MAP2: variants seen among roughly 807,000 people sequenced by gnomAD.
MAP2 encodes microtubule-associated protein 2.
Under a neutral mutation model 137.6 loss-of-function variants are expected in MAP2, and 14 were observed. The observed-to-expected ratio is 0.10, with a 90% confidence interval of 0.07 to 0.16. The LOEUF (loss-of-function observed/expected upper bound fraction) is 0.16. MAP2 is among the 10% of genes least tolerant of loss of function. The probability of loss-of-function intolerance (pLI) is 1.00; values close to 1 mark genes in which losing one functional copy is unlikely to be tolerated. For synonymous variants in MAP2, 786 were observed against 782.3 expected, an observed-to-expected ratio of 1.00 and a Z score of -0.08; for missense variants, 2,088 against 2,191.5, an observed-to-expected ratio of 0.95 and a Z score of 0.94.
At chr2:209,531,611 A>G (rs1367426553) in intron 2 of MAP2, among the ~76,000 whole-genome samples, 1 of 152,212 alleles carries the variant, frequency 6.6e-6, no homozygotes, top group Non-Finnish European at 1.5e-5. Context: ...TTTGGCTAAT[A>G]TGACTTATTT....
intron 2 of MAP2, among the ~76,000 whole-genome samples, chr2:209,570,341 A>G (rs892261799): frequency 2.6e-5 from 4 of 151,850 alleles, no homozygotes; most frequent in African/African-American, 7.2e-5. Flanking sequence ...TTAGCTGAGA[A>G]GTCCAGGGAT....
At chr2:209,531,529 C>T (rs578221142) in intron 2 of MAP2, among the ~76,000 whole-genome samples, 3 of 152,310 alleles carry the variant, frequency 2.0e-5, no homozygotes, top group African/African-American at 7.2e-5. Flanking sequence ...CAAATTTATG[C>T]ATGTCAACTT....
intron 1 of MAP2, among the ~76,000 whole-genome samples, chr2:209,435,835 G>A (rs1229486694): frequency 6.7e-6 from 1 of 149,628 alleles, no homozygotes; most frequent in Non-Finnish European, 1.5e-5. Flanking sequence ...TGGTGGAGAT[G>A]GGTGAGAGTT....
intron 7 of MAP2, among the ~76,000 whole-genome samples, chr2:209,691,268 C>G (rs1299457995): frequency 6.6e-6 from 1 of 151,994 alleles, no homozygotes; most frequent in Non-Finnish European, 1.5e-5. Flanking sequence ...CACATAGAGG[C>G]TTAAATGGTG....
intron 1 of MAP2, among the ~76,000 whole-genome samples, chr2:209,492,525 C>T (rs1308368382): frequency 6.6e-6 from 1 of 151,970 alleles, no homozygotes; most frequent in Non-Finnish European, 1.5e-5. Context: ...TGACATAATT[C>T]TATATTTAGA....
intron 1 of MAP2, among the ~76,000 whole-genome samples, chr2:209,506,096 T>C (rs928182685): frequency 5.3e-5 from 8 of 152,150 alleles, no homozygotes; most frequent in Non-Finnish European, 1.2e-4. Flanking sequence ...AATATTTGTA[T>C]CCAAGTAAAA....
chr2:209,607,714 C>T (rs1403650250), intron 3 of MAP2, among the ~76,000 whole-genome samples: 1 of 152,212 alleles, frequency 6.6e-6, no homozygotes, highest in African/African-American at 2.4e-5. Flanking sequence ...GGATTACAGG[C>T]ATGAGCGACT....
At chr2:209,589,245 C>T (rs766639677) in intron 3 of MAP2, among the ~76,000 whole-genome samples, 4 of 152,054 alleles carry the variant, frequency 2.6e-5, no homozygotes, top group Non-Finnish European at 4.4e-5. Flanking sequence ...AAGCTCACAA[C>T]GGTCTTTGGA....
chr2:209,577,355 G>A (rs990125667), intron 2 of MAP2, among the ~76,000 whole-genome samples: 3 of 152,076 alleles, frequency 2.0e-5, no homozygotes, highest in African/African-American at 7.2e-5. Context: ...ACTGGGGAGA[G>A]AGGATGATGA....
chr2:209,669,278 A>G (rs1195878081), intron 5 of MAP2, among the ~76,000 whole-genome samples: 2 of 152,068 alleles, frequency 1.3e-5, no homozygotes, highest in South Asian at 2.1e-4. Flanking sequence ...TGGTTTTTCC[A>G]TGTGAACATT....
intron 2 of MAP2, among the ~76,000 whole-genome samples, chr2:209,559,485 A>C (rs1327053681): frequency 2.7e-5 from 4 of 147,498 alleles, no homozygotes; most frequent in African/African-American, 9.9e-5. Flanking sequence ...AATACAAAAA[A>C]AAAAAAAAAA....
At chr2:209,680,220 A>T (rs1264294560) in intron 6 of MAP2, among the ~76,000 whole-genome samples, 1 of 152,204 alleles carries the variant, frequency 6.6e-6, no homozygotes, top group Admixed American at 6.6e-5. Flanking sequence ...TACATACAGA[A>T]GATGGGTTTT....
chr2:209,604,936 G>A (rs576882686), intron 3 of MAP2, among the ~76,000 whole-genome samples: 2 of 152,056 alleles, frequency 1.3e-5, no homozygotes, highest in African/African-American at 4.8e-5. Context: ...AGAGGCTGTT[G>A]AACAAAGCCT....
In MAP2 at chr2:209,696,548, A is replaced by T; in HGVS notation, c.4187A>T (p.Asp1396Val). ...GATTTGCTTTGATCCACAGATGATG[A>T]TAGGAGCATCATGACAGAACAGTTA... ...DSLWVDTQDDDRSIMTEQLET... is the reference protein window; with the variant it reads ...DSLWVDTQDDVRSIMTEQLET... Residue 1396 changes from aspartate (D) to valine (V), a missense_variant, in exon 9 of 16, where the codon GAT becomes GTT. Physicochemically the swap from Asp to Val is radical, Grantham distance 152 (BLOSUM62 -3). Transcript: ENST00000682079. The T allele has an allele frequency of 6.2e-7, 1 of 1,609,830 alleles. No homozygotes were observed. Among genetic ancestry groups the T allele is most frequent in the Non-Finnish European group, 8.5e-7 (1 of 1,178,058 alleles).
In MAP2 at chr2:209,504,619, G is replaced by C. The variant is rs1032932631; in HGVS notation, c.-221-2973G>C. On this transcript the variant is annotated intron_variant, in intron 1 of 15. Coordinates refer to ENST00000682079, the MANE Select transcript of MAP2 (RefSeq NM_001375505.1). The stretch of plus-strand genomic sequence containing the variant: ...GGTTTTTGTATGAGACACCATGCAA[G>C]ATCCTAGGATAACAGCATCACTTAT... Among the ~76,000 whole-genome samples, 144 of 152,250 alleles carry C rather than the reference G, an allele frequency of 9.5e-4. 3 individuals carry two copies. The highest frequency in any genetic ancestry group is 1.4e-3 in the Non-Finnish European group (93 of 68,002).
chr2:209,590,702 A>T (rs1324004938), intron 3 of MAP2, among the ~76,000 whole-genome samples: 4 of 152,182 alleles, frequency 2.6e-5, no homozygotes, highest in African/African-American at 9.7e-5. Context: ...CAAGCGCTTG[A>T]TAGCCACATT....
intron 3 of MAP2, among the ~76,000 whole-genome samples, chr2:209,597,988 G>C (rs2081780061): frequency 6.6e-6 from 1 of 151,866 alleles, no homozygotes; most frequent in Admixed American, 6.6e-5. Context: ...ATGAGTGTCT[G>C]TCCTATTCTT....
intron 3 of MAP2, among the ~76,000 whole-genome samples, chr2:209,613,516 G>A (rs775462248): frequency 3.3e-5 from 5 of 152,130 alleles, no homozygotes; most frequent in Non-Finnish European, 5.9e-5. Flanking sequence ...ACTAGTTGCC[G>A]TGGGGAGCAC....
chr2:209,660,432 C>T (rs2042914492), intron 5 of MAP2, among the ~76,000 whole-genome samples: 1 of 126,746 alleles, frequency 7.9e-6, no homozygotes, highest in Non-Finnish European at 1.6e-5. Flanking sequence ...CTCGCTCTGT[C>T]GCCCAGGCTG....
Sources: allele counts gnomAD v4.1 joint callset (sites outside exome capture counted in the v4.1 genomes callset), GRCh38; gene constraint gnomAD v4.1.1; transcripts MANE v1.5; gene names NCBI Gene and HGNC (gene_info 2026-07-23, HGNC 2026-07-21).